Variants in MBTPS1 observed in about 807,000 individuals in gnomAD.
MBTPS1 encodes membrane bound transcription factor peptidase, site 1.
A neutral mutation model predicts 127.8 loss-of-function variants in MBTPS1; 94 were observed. The observed-to-expected ratio is 0.74, with a 90% CI of 0.62 to 0.87. MBTPS1 has a LOEUF of 0.87. Among genes scored for constraint, MBTPS1 ranks in the 40% least tolerant of loss-of-function variants. The pLI is 0.00. For missense variants in MBTPS1, 1,636 were observed against 1,353.2 expected (o/e 1.21, Z -3.28); for synonymous variants, 632 against 509.4 (o/e 1.24, Z -3.24).
intron 3 of MBTPS1, among the ~76,000 whole-genome samples, chr16:84,097,126 C>T (rs1420908006): frequency 6.6e-6 from 1 of 152,174 alleles, no homozygotes; most frequent in African/African-American, 2.4e-5. Context: ...TTCACCACAT[C>T]TTTAACTACT....
At chr16:84,074,055 C>T (rs1218081094) in intron 12 of MBTPS1, among the ~76,000 whole-genome samples, 1 of 151,942 alleles carries the variant, frequency 6.6e-6, no homozygotes, top group Non-Finnish European at 1.5e-5. Context: ...TAATTATAGG[C>T]GCAAAATTGT....
At chr16:84,105,678 G>C (rs984249221) in intron 1 of MBTPS1, among the ~76,000 whole-genome samples, 5 of 152,262 alleles carry the variant, frequency 3.3e-5, no homozygotes, top group African/African-American at 9.6e-5. Context: ...AAAGACGAGG[G>C]GGGAAGAGAG....
chr16:84,063,491 A>C, intron 18 of MBTPS1, 46 bp from the exon 19 acceptor site: 1 of 1,567,904 alleles, frequency 6.4e-7, no homozygotes, highest in South Asian at 1.1e-5. Flanking sequence ...GTTTCCACTG[A>C]GCAGTGAGTT....
intron 3 of MBTPS1, among the ~76,000 whole-genome samples, chr16:84,098,536 G>C (rs1192185362): frequency 1.3e-5 from 1 of 77,612 alleles, no homozygotes; most frequent in Non-Finnish European, 2.8e-5. Flanking sequence ...CTTGAACCTG[G>C]GTGGAGGTTG....
At chr16:84,081,699 G>A in intron 11 of MBTPS1, 48 bp downstream of exon 11, 1 of 1,302,690 alleles carries the variant, frequency 7.7e-7, no homozygotes, top group Non-Finnish European at 9.9e-7. Context: ...AATTCGCCCA[G>A]AGCCCAGTGA....
rs373905268 is a variant in MBTPS1 at position 84,070,658 on chromosome 16, T to G, written c.1712A>C (p.Lys571Thr). 14 of 1,613,836 alleles carry G rather than the reference T, an allele frequency of 8.7e-6. No individual in the cohort carries two copies. In the African/African-American group the frequency reaches 1.7e-4, roughly 20 times the overall value. The stretch of plus-strand genomic sequence containing the variant: ...AGCAATGCCTTCCCAGGAAGCCGCT[T>G]TCTTGGTCACAGAAATGGAGATGGC... ...YLAISISVTK[K>T]AASWEGIAQG... The change falls in exon 13 of 23, where the codon AAA becomes ACA. Residue 571 changes from lysine to threonine, a missense_variant. Lys to Thr is a moderately conservative substitution (Grantham distance 78). Transcript: ENST00000343411.
At chr16:84,077,727 G>A (rs892243520) in intron 11 of MBTPS1, among the ~76,000 whole-genome samples, 3 of 152,182 alleles carry the variant, frequency 2.0e-5, no homozygotes, top group Admixed American at 2.0e-4. Flanking sequence ...AGAGGCATCA[G>A]CTGAAGAGTA....
Position 84,070,592 on chromosome 16 carries a change from G to A in MBTPS1, c.1778C>T (p.Thr593Ile), listed in dbSNP as rs552351105. The A allele has an allele frequency of 6.2e-6, 10 of 1,611,674 alleles. No individual in the cohort carries two copies. In the African/African-American group the frequency reaches 1.1e-4, roughly 17 times the overall value. ...CACTTTCCCGCATATCCCTACCTCT[G>A]TCTCTGCTGGGGAAGCCACAGTGAT... ...VMITVASPAE[T>I]ESKNGAEQTS... The change falls in exon 13 of 23, where the codon ACA (threonine) becomes ATA (isoleucine). Residue 593 changes from threonine to isoleucine, a missense_variant. Transcript: ENST00000343411.
intron 1 of MBTPS1, among the ~76,000 whole-genome samples, chr16:84,107,659 T>C (rs1298066943): frequency 6.6e-6 from 1 of 151,284 alleles, no homozygotes; most frequent in Admixed American, 6.6e-5. Context: ...GCAGAGGGAC[T>C]GGGGTCCCCA....
chr16:84,074,001 T>G (rs137935964), intron 12 of MBTPS1, among the ~76,000 whole-genome samples: 1 of 151,976 alleles, frequency 6.6e-6, no homozygotes, highest in African/African-American at 2.4e-5. Flanking sequence ...AGTGACACTC[T>G]GTCTCAAAAA....
At chr16:84,105,521 A>G (rs563855104) in intron 1 of MBTPS1, among the ~76,000 whole-genome samples, 1 of 152,270 alleles carries the variant, frequency 6.6e-6, no homozygotes, top group Admixed American at 6.5e-5. Context: ...TGAGCTCAGT[A>G]GCACTGAAAG....
intron 7 of MBTPS1, among the ~76,000 whole-genome samples, chr16:84,091,259 G>A (rs2086102319): frequency 6.6e-6 from 1 of 152,126 alleles, no homozygotes; most frequent in East Asian, 1.9e-4. Context: ...GCTGAGGTGG[G>A]TGGATCACCT....
intron 4 of MBTPS1, among the ~76,000 whole-genome samples, chr16:84,094,148 T>C (rs1020507173): frequency 1.3e-5 from 2 of 151,846 alleles, no homozygotes; most frequent in African/African-American, 4.8e-5. Flanking sequence ...TTCTCAAGGC[T>C]CCAGGCTGGC....
In MBTPS1 at chr16:84,053,910, T is replaced by G. The variant is rs529766358; in HGVS notation, c.*539A>C. On this transcript the variant is annotated 3_prime_UTR_variant, in exon 23 of 23. Transcript: ENST00000343411. Reference sequence around the variant, plus strand: ...TATGTTTTACAGATTTGTGCATGTTTCCTTCAAATCTCAGTCTGTACTGTC... The same window carrying G: ...TATGTTTTACAGATTTGTGCATGTTGCCTTCAAATCTCAGTCTGTACTGTC... The G allele has an allele frequency of 1.3e-5, 2 of 152,514 alleles. No homozygotes were observed. The highest frequency in any genetic ancestry group is 4.8e-5 in the African/African-American group (2 of 41,568). The allele number at this position is 152,514 out of a possible 1,614,324, so 9.4% of individuals were successfully genotyped here.
rs2085746905 is a variant in MBTPS1, at chr16:84,070,005, T to C, written c.1816A>G (p.Lys606Glu). ...ATTATCTTCACCTTAATGGGGAGCT[T>C]TACTGTTGAAGTCTGTTCTGCACCA... ...KNGAEQTSTVKLPIKVKIIPT... is the reference protein window; with the variant it reads ...KNGAEQTSTVELPIKVKIIPT... The change falls in exon 14 of 23, where the codon AAG becomes GAG. Residue 606 changes from lysine (K) to glutamate (E), a missense_variant. Lys to Glu is a moderately conservative substitution (Grantham distance 56). Transcript: ENST00000343411. The C allele has an allele frequency of 1.9e-6, 3 of 1,613,912 alleles. No individual in the cohort carries two copies. Among genetic ancestry groups the C allele is most frequent in the Non-Finnish European group, 2.5e-6 (3 of 1,179,966 alleles).
chr16:84,083,530 A>G lies in MBTPS1; in HGVS notation c.1286+1453T>C, dbSNP rs116176981. Among the ~76,000 whole-genome samples the G allele has an allele frequency of 9.1e-3, 1,383 of 152,048 alleles. 22 individuals are homozygous for G. The highest frequency in any genetic ancestry group is 0.031 in the African/African-American group (1,302 of 41,446). ...GCTCTCAAACTACTAGCCTCAAACA[A>G]TCCTCCTGCCTTGGCCTCCCAAAGT... On this transcript the variant is annotated intron_variant, in intron 10 of 22. Transcript: ENST00000343411.
intron 1 of MBTPS1, among the ~76,000 whole-genome samples, chr16:84,108,059 T>C (rs1325822282): frequency 6.6e-6 from 1 of 151,766 alleles, no homozygotes; most frequent in Non-Finnish European, 1.5e-5. Context: ...CAGTGAGGCT[T>C]TGCAAGCACA....
At chr16:84,085,167 C>A in intron 9 of MBTPS1, 33 bp from the exon 10 acceptor site, 1 of 1,609,646 alleles carries the variant, frequency 6.2e-7, no homozygotes, top group Non-Finnish European at 8.5e-7. Context: ...TGCTACATCT[C>A]GCACATTGGC....
Position 84,074,620 on chromosome 16 carries a change from C to T in MBTPS1, c.1570G>A (p.Val524Ile), listed in dbSNP as rs368542450. Residue 524 changes from valine to isoleucine, a missense_variant, in exon 12 of 23, where the codon GTC becomes ATC. Physicochemically the swap from Val to Ile is conservative, Grantham distance 29. Coordinates refer to ENST00000343411, the MANE Select transcript of MBTPS1 (RefSeq NM_003791.4). The stretch of plus-strand genomic sequence containing the variant: ...ACCTTATCTACAATTCTTCCTGTGA[C>T]TCCCATGCCGTTGAGGATGGTGACA... ...VNVTILNGMG[V>I]TGRIVDKPDW... 9 of 1,614,064 alleles carry T rather than the reference C, an allele frequency of 5.6e-6. No individual in the cohort carries two copies. The highest frequency in any genetic ancestry group is 1.1e-5 in the South Asian group (1 of 91,068).
Sources: allele counts gnomAD v4.1 joint callset (sites outside exome capture counted in the v4.1 genomes callset), GRCh38; gene constraint gnomAD v4.1.1; transcripts MANE v1.5; gene names NCBI Gene and HGNC (gene_info 2026-07-23, HGNC 2026-07-21).